SRGAP3: variants seen among roughly 807,000 people sequenced by gnomAD.
The protein encoded by SRGAP3 is SLIT-ROBO Rho GTPase-activating protein 3.
A neutral mutation model predicts 121.1 loss-of-function variants in SRGAP3; 39 were observed. The observed-to-expected ratio is 0.32, with a 90% CI of 0.25 to 0.42. The LOEUF is 0.42. Among genes scored for constraint, SRGAP3 ranks in the 10% least tolerant of loss-of-function variants. SRGAP3 has a pLI of 1.00. For synonymous variants in SRGAP3, 601 were observed against 570.0 expected, an observed-to-expected ratio of 1.05 and a Z score of -0.77; for missense variants, 1,213 against 1,470.6, an observed-to-expected ratio of 0.82 and a Z score of 2.86.
intron 1 of SRGAP3, among the ~76,000 whole-genome samples, chr3:9,336,344 T>G (rs1183973632): frequency 2.0e-5 from 3 of 152,022 alleles, no homozygotes; most frequent in African/African-American, 7.2e-5. Context: ...GCCTCCTGAG[T>G]AGCTGGGACT....
rs376588025 is a variant in SRGAP3, at chr3:9,354,606, C to T, written n.214+8234G>A. On this transcript the variant is annotated intron_variant and non_coding_transcript_variant, in intron 1 of 3. Coordinates refer to the SRGAP3 transcript ENST00000490889. Reference sequence around the variant, plus strand: ...CTGAGGCAGAAGAATGGTGTGAACCCGGGAGGCGGAGCTTGCAGTGAGCCG... The same window carrying T: ...CTGAGGCAGAAGAATGGTGTGAACCTGGGAGGCGGAGCTTGCAGTGAGCCG... Among the ~76,000 whole-genome samples the T allele has an allele frequency of 1.7e-3, 253 of 147,522 alleles. 1 individual carries two copies. Among genetic ancestry groups the T allele is most frequent in the African/African-American group, 5.5e-3 (217 of 39,432 alleles).
At chr3:9,231,020 T>TGATAATTATC (rs1953190676) in intron 1 of SRGAP3, among the ~76,000 whole-genome samples, 1 of 152,178 alleles carries the variant, frequency 6.6e-6, no homozygotes, top group African/African-American at 2.4e-5. Flanking sequence ...CCCATTCAGA[T>TGATAATTATC]GATAATTATC....
chr3:9,356,028 A>C (rs1319158680), intron 1 of SRGAP3, among the ~76,000 whole-genome samples: 1 of 152,170 alleles, frequency 6.6e-6, no homozygotes, highest in Non-Finnish European at 1.5e-5. Context: ...ATCTAATCAC[A>C]GCTTAAAGAT....
At chr3:9,141,794 C>T (rs1949861766) in intron 1 of SRGAP3, among the ~76,000 whole-genome samples, 1 of 152,142 alleles carries the variant, frequency 6.6e-6, no homozygotes, top group Non-Finnish European at 1.5e-5. Context: ...CTGTTGTCAG[C>T]TGGTCAAGTT....
chr3:9,242,158 C>CCAGATGAG (rs149125330), intron 1 of SRGAP3, among the ~76,000 whole-genome samples: 6,974 of 151,350 alleles, frequency 0.046, 170 homozygotes, highest in South Asian at 0.097. Flanking sequence ...TAAGGAAAGG[C>CCAGATGAG]CAGATGAGCA....
chr3:9,221,099 G>A (rs1173971137), intron 1 of SRGAP3, among the ~76,000 whole-genome samples: 1 of 152,082 alleles, frequency 6.6e-6, no homozygotes, highest in African/African-American at 2.4e-5. Flanking sequence ...GTAGAGCTGA[G>A]GGTCTTTCCC....
chr3:9,207,038 G>T (rs375308090), intron 1 of SRGAP3, among the ~76,000 whole-genome samples: 1 of 152,160 alleles, frequency 6.6e-6, no homozygotes, highest in East Asian at 1.9e-4. Context: ...TTCACATAGG[G>T]TGACCAACCA....
chr3:9,118,965 C>G (rs1204315193), intron 2 of SRGAP3, among the ~76,000 whole-genome samples: 4 of 152,228 alleles, frequency 2.6e-5, no homozygotes, highest in Non-Finnish European at 5.9e-5. Flanking sequence ...CTAATTATCA[C>G]TTGCCTTTCA....
chr3:9,084,472 G>A (rs1274828101), intron 3 of SRGAP3, among the ~76,000 whole-genome samples: 1 of 152,204 alleles, frequency 6.6e-6, no homozygotes, highest in Non-Finnish European at 1.5e-5. Flanking sequence ...CTACCAGCAG[G>A]CATCTTAGAA....
chr3:9,040,545 T>C (rs1345489701), intron 10 of SRGAP3, among the ~76,000 whole-genome samples: 2 of 151,860 alleles, frequency 1.3e-5, no homozygotes, highest in Non-Finnish European at 2.9e-5. Context: ...ATTTATTTTA[T>C]TTTTATTCTA....
At chr3:9,238,503 C>T (rs924545785) in intron 1 of SRGAP3, among the ~76,000 whole-genome samples, 14 of 152,122 alleles carry the variant, frequency 9.2e-5, no homozygotes, top group African/African-American at 3.4e-4. Flanking sequence ...CCCCACCACA[C>T]GAGCATATGG....
chr3:9,205,143 G>A (rs1354172926), intron 1 of SRGAP3, among the ~76,000 whole-genome samples: 1 of 152,180 alleles, frequency 6.6e-6, no homozygotes, highest in Non-Finnish European at 1.5e-5. Flanking sequence ...CTACACCAGC[G>A]CTGTCCAATC....
In SRGAP3 at chr3:8,981,667, A is replaced by C. The variant is rs2124874988; in HGVS notation, c.*3852T>G. ...GCCCCACATAAAGGCCCCTTCCCAC[A>C]CTGGTTCCTCTTTGTGTACCACAAA... On this transcript the variant is annotated 3_prime_UTR_variant, in exon 22 of 22. Coordinates refer to ENST00000383836, the MANE Select transcript of SRGAP3 (RefSeq NM_014850.4). 1 of 231,876 alleles carries C rather than the reference A, an allele frequency of 4.3e-6. No individual in the cohort carries two copies. The highest frequency in any genetic ancestry group is 6.1e-5 in the East Asian group (1 of 16,356). The allele number at this position is 231,876 out of a possible 1,614,324, so 14.4% of individuals were successfully genotyped here.
At chr3:9,176,443 G>A (rs1195639623) in intron 1 of SRGAP3, among the ~76,000 whole-genome samples, 1 of 152,168 alleles carries the variant, frequency 6.6e-6, no homozygotes, top group East Asian at 1.9e-4. Flanking sequence ...TCTCCAAAAG[G>A]AGCACAGATT....
At chr3:9,038,008 T>C (rs2125110133) in intron 11 of SRGAP3, 55 bp downstream of exon 11, 3 of 1,612,396 alleles carry the variant, frequency 1.9e-6, no homozygotes, top group East Asian at 4.5e-5. Context: ...CCCAGCCCCA[T>C]CCCACTCCCA....
At chr3:9,213,633 T>C (rs146504441) in intron 1 of SRGAP3, among the ~76,000 whole-genome samples, 2 of 152,322 alleles carry the variant, frequency 1.3e-5, no homozygotes, top group African/African-American at 4.8e-5. Flanking sequence ...GAGAGATCTT[T>C]CTAAACCAGA....
At chr3:9,282,141 A>G (rs932454628) in intron 3 of SRGAP3, among the ~76,000 whole-genome samples, 1 of 152,176 alleles carries the variant, frequency 6.6e-6, no homozygotes, top group African/African-American at 2.4e-5. Context: ...ATGGTTCTCA[A>G]ACATTTTGAT....
intron 1 of SRGAP3, among the ~76,000 whole-genome samples, chr3:9,125,553 T>C (rs1467423972): frequency 6.6e-6 from 1 of 152,236 alleles, no homozygotes; most frequent in Non-Finnish European, 1.5e-5. Context: ...TTAAATCACC[T>C]TGAATTCCAT....
chr3:9,100,315 G>A (rs1948167951), intron 3 of SRGAP3, among the ~76,000 whole-genome samples: 2 of 151,976 alleles, frequency 1.3e-5, no homozygotes, highest in Admixed American at 6.5e-5. Context: ...TTATTCATCC[G>A]TCAACACCCA....
Sources: allele counts gnomAD v4.1 joint callset (sites outside exome capture counted in the v4.1 genomes callset), GRCh38; gene constraint gnomAD v4.1.1; transcripts MANE v1.5; gene names NCBI Gene and HGNC (gene_info 2026-07-23, HGNC 2026-07-21).